Variants in SIGLEC12 observed in about 807,000 individuals in gnomAD.
The protein encoded by SIGLEC12 is sialic acid binding Ig like lectin 12, also known as sialic acid-binding Ig-like lectin 12.
In SIGLEC12, 43 loss-of-function variants were observed where a neutral mutation model predicts 54.1. The observed-to-expected ratio is 0.80, with a 90% CI of 0.62 to 1.03. SIGLEC12 has a LOEUF of 1.03. Among genes scored for constraint, SIGLEC12 ranks in the 50% least tolerant of loss-of-function variants. SIGLEC12 has a pLI of 0.00. For missense variants in SIGLEC12, 802 were observed against 735.2 expected, an observed-to-expected ratio of 1.09 and a Z score of -1.05; for synonymous variants, 357 against 307.6, an observed-to-expected ratio of 1.16 and a Z score of -1.68.
At chr19:51,497,033 G>A in intron 6 of SIGLEC12, 57 bp from the exon 7 acceptor site, 3 of 1,611,538 alleles carry the variant, frequency 1.9e-6, no homozygotes, top group Non-Finnish European at 2.5e-6. Flanking sequence ...GCAGTGGGCA[G>A]ACCAACCCCT....
rs1335752827 is a variant in SIGLEC12 at position 51,500,213 on chromosome 19, C to T, written c.515G>A (p.Ser172Asn). The T allele has an allele frequency of 8.7e-6, 14 of 1,614,166 alleles. No homozygotes were observed. The South Asian group carries it at 1.2e-4, about 14-fold the overall frequency. ...CCAGTTGTAATGGGGGTAAAGGACA[C>T]TGCAGGGCACAGAGACACACAGACC... is the stretch of plus-strand genomic sequence containing the variant. ...QEGLCVSVPC[S>N]VLYPHYNWTA... Residue 172 changes from serine to asparagine, a missense_variant, in exon 2 of 8, where the codon AGT (serine) becomes AAT (asparagine). Transcript: ENST00000291707.
chr19:51,496,025 A>G (rs969178352), intron 7 of SIGLEC12, among the ~76,000 whole-genome samples: 1 of 152,218 alleles, frequency 6.6e-6, no homozygotes, highest in East Asian at 1.9e-4. Flanking sequence ...CATGGAGCAG[A>G]GGCAGGAGTG....
chr19:51,495,993 C>T (rs1990231975), intron 7 of SIGLEC12, among the ~76,000 whole-genome samples: 1 of 152,182 alleles, frequency 6.6e-6, no homozygotes. Context: ...GGTGATGACA[C>T]TGGAGTCCAG....
At position 51,491,340 on chromosome 19, in the gene SIGLEC12, C is replaced by T. The variant is rs566404587; in HGVS notation, c.*301G>A. 5.2e-4 allele frequency: 168 copies of T among 321,898 alleles called. No homozygotes were observed. The highest frequency in any genetic ancestry group is 8.8e-4 in the Non-Finnish European group (153 of 173,618). The allele number at this position is 321,898 out of a possible 1,614,324, so 19.9% of individuals were successfully genotyped here. On this transcript the variant is annotated 3_prime_UTR_variant, in exon 8 of 8. Coordinates refer to ENST00000291707, the MANE Select transcript of SIGLEC12 (RefSeq NM_053003.4). ...AGAACATTATGTTGAGTGAAATAAGCCAGGTACAGAGAGACAAACACTCTA... is the reference window on the plus strand; with the variant it reads ...AGAACATTATGTTGAGTGAAATAAGTCAGGTACAGAGAGACAAACACTCTA...
intron 3 of SIGLEC12, 100 bp downstream of exon 3, chr19:51,499,338 G>T: frequency 6.4e-7 from 1 of 1,562,644 alleles, no homozygotes; most frequent in South Asian, 1.2e-5. Flanking sequence ...CCAACTCCCA[G>T]CCAAGATTCC....
rs771190480 is a variant in SIGLEC12, at chr19:51,501,498, T to C, written c.236A>G (p.Asn79Ser). Reference sequence around the variant, plus strand: ...CTCCTGCACTGCTCGAGCTGGGTTGTTTGTGGCCACTGGAATGTTCCGGCT... The same window carrying C: ...CTCCTGCACTGCTCGAGCTGGGTTGCTTGTGGCCACTGGAATGTTCCGGCT... ...HVSRNIPVAT[N>S]NPARAVQEET... Residue 79 changes from asparagine (N) to serine (S), a missense_variant, in exon 1 of 8, where the codon AAC becomes AGC. Coordinates refer to ENST00000291707, the MANE Select transcript of SIGLEC12 (RefSeq NM_053003.4). The C allele has an allele frequency of 3.1e-6, 5 of 1,612,566 alleles. No homozygotes were observed. The highest frequency in any genetic ancestry group is 3.4e-6 in the Non-Finnish European group (4 of 1,179,588).
intron 7 of SIGLEC12, among the ~76,000 whole-genome samples, chr19:51,496,661 G>A (rs564888504): frequency 6.6e-6 from 1 of 152,130 alleles, no homozygotes; most frequent in Non-Finnish European, 1.5e-5. Context: ...AGGCAGGGAG[G>A]TGAGGAGGTC....
intron 1 of SIGLEC12, among the ~76,000 whole-genome samples, chr19:51,500,616 C>T (rs1990370053): frequency 6.6e-6 from 1 of 152,122 alleles, no homozygotes; most frequent in Non-Finnish European, 1.5e-5. Flanking sequence ...GTCCCGCCTC[C>T]TACCTCCGGG....
chr19:51,491,420 G>C lies in SIGLEC12; in HGVS notation c.*221C>G. 3 of 545,440 alleles carry C rather than the reference G, an allele frequency of 5.5e-6. No individual in the cohort carries two copies. Among genetic ancestry groups the C allele is most frequent in the Non-Finnish European group, 9.8e-6 (3 of 305,930 alleles). The allele number at this position is 545,440 out of a possible 1,614,324, so 33.8% of individuals were successfully genotyped here. A position where few individuals can be genotyped will look rare whatever the true frequency, so the allele number is the denominator to read the frequency against. On this transcript the variant is annotated 3_prime_UTR_variant, in exon 8 of 8. Coordinates refer to ENST00000291707, the MANE Select transcript of SIGLEC12 (RefSeq NM_053003.4). Reference sequence around the variant, plus strand: ...GTCGACCTCAGAGAAGTAGAGAAGAGAATGGTGGGTACCAGAGGCCGGGGG... The same window carrying C: ...GTCGACCTCAGAGAAGTAGAGAAGACAATGGTGGGTACCAGAGGCCGGGGG...
Position 51,499,716 on chromosome 19 carries a change from G to A in SIGLEC12, c.809C>T (p.Ala270Val). 6.2e-7 allele frequency: 1 copy of A among 1,613,764 alleles called. No homozygotes were observed. The highest frequency in any genetic ancestry group is 1.3e-5 in the African/African-American group (1 of 75,030). The change falls in exon 3 of 8, where the codon GCC becomes GTC. Residue 270 changes from alanine to valine, a missense_variant and splice_region_variant. Transcript: ENST00000291707. ...GGAGAAGGTGGGCATGTGAGTCAGG[G>A]CTGGTGATGAAAGGGAGACAGGCAA... ...IYDKLSVHVT[A>V]LTHMPTFSIP...
chr19:51,497,198 G>A (rs557559059), intron 6 of SIGLEC12, 151 bp downstream of exon 6: 23 of 871,880 alleles, frequency 2.6e-5, no homozygotes, highest in South Asian at 2.0e-4. Context: ...AAACAGGGGC[G>A]CTCATGAAAT....
rs368715137 is a variant in SIGLEC12 at position 51,501,540 on chromosome 19, C to CT, written c.193_194insA (p.Arg65GlnfsTer51). ...GTTCCGGCTTACATGGTCCCCTGCCCGGAACCAGTAGCCATGAACTGGATC... is the reference window on the plus strand; with the variant it reads ...GTTCCGGCTTACATGGTCCCCTGCCCTGGAACCAGTAGCCATGAACTGGATC... On this transcript the variant is annotated frameshift_variant, in exon 1 of 8. Coordinates refer to ENST00000291707, the MANE Select transcript of SIGLEC12 (RefSeq NM_053003.4). LOFTEE classifies it high-confidence loss of function. 1 of 1,613,522 alleles carries CT rather than the reference C, an allele frequency of 6.2e-7. No homozygotes were observed. The highest frequency in any genetic ancestry group is 8.5e-7 in the Non-Finnish European group (1 of 1,179,800).
At chr19:51,497,634 T>G (rs1412704084) in intron 5 of SIGLEC12, among the ~76,000 whole-genome samples, 189 bp from the exon 6 acceptor site, 2 of 152,238 alleles carry the variant, frequency 1.3e-5, no homozygotes, top group African/African-American at 4.8e-5. Flanking sequence ...TGCCTTTATT[T>G]AAAATTTTGA....
In SIGLEC12 at chr19:51,496,963, T is replaced by C. The variant is rs751618677; in HGVS notation, c.1516A>G (p.Arg506Gly). 2 of 1,613,360 alleles carry C rather than the reference T, an allele frequency of 1.2e-6. No individual in the cohort carries two copies. Among genetic ancestry groups the C allele is most frequent in the Non-Finnish European group, 1.7e-6 (2 of 1,179,994 alleles). Residue 506 changes from arginine (R) to glycine (G), a missense_variant, in exon 7 of 8, where the codon AGG becomes GGG. Transcript: ENST00000291707. ...ACTGCTGGCCTTGCCGATTTCTTCC[T>C]GCAGGACCTCACTCTGAGTGAAGAG... ...CIIFVVVRSC[R>G]KKSARPAVGV... is the part of the protein sequence containing the mutation.
At position 51,491,611 on chromosome 19, in the gene SIGLEC12, C is replaced by A; in HGVS notation, c.*30G>T. ...CTTCTTTGCTGCAGGGGTCGTGAGC[C>A]CTCAAACAGGCCTGAGTCTCTGCAG... On this transcript the variant is annotated 3_prime_UTR_variant, in exon 8 of 8. Transcript: ENST00000291707. The A allele has an allele frequency of 3.1e-6, 5 of 1,611,066 alleles. No homozygotes were observed. Among genetic ancestry groups the A allele is most frequent in the Non-Finnish European group, 4.2e-6 (5 of 1,177,770 alleles).
Position 51,495,353 on chromosome 19 carries a change from ACAGACGGGTGGG to A in SIGLEC12, c.1599+1515_1599+1526del, listed in dbSNP as rs1490873450. Among the ~76,000 whole-genome samples, 8 of 56,208 alleles carry A rather than the reference ACAGACGGGTGGG, an allele frequency of 1.4e-4. 1 individual carries two copies. The highest frequency in any genetic ancestry group is 1.1e-3 in the East Asian group (2 of 1,838). 36.9% of individuals were successfully genotyped at this position (56,208 alleles called of 152,430 possible). On this transcript the variant is annotated intron_variant, in intron 7 of 7. Transcript: ENST00000291707. ...GATGGATGGATGGATGGATGGATGG[ACAGACGGGTGGG>A]TGGATGGATGGATGGATGGATGGAT...
intron 3 of SIGLEC12, 76 bp downstream of exon 3, chr19:51,499,362 T>C (rs1440150792): frequency 1.3e-6 from 2 of 1,545,950 alleles, no homozygotes; most frequent in Non-Finnish European, 1.7e-6. Context: ...ACCCAGATCC[T>C]TGAGTCTGGG....
At chr19:51,495,230 T>TGGATGGAC (rs1306663556) in intron 7 of SIGLEC12, among the ~76,000 whole-genome samples, 2 of 142,286 alleles carry the variant, frequency 1.4e-5, no homozygotes, top group Admixed American at 7.0e-5. Flanking sequence ...GATGGATGGA[T>TGGATGGAC]GGATGGATGG....
Position 51,500,166 on chromosome 19 carries a change from C to T in SIGLEC12, c.562G>A (p.Gly188Arg). 1 of 1,614,142 alleles carries T rather than the reference C, an allele frequency of 6.2e-7. No homozygotes were observed. Among genetic ancestry groups the T allele is most frequent in the Non-Finnish European group, 8.5e-7 (1 of 1,180,022 alleles). The change falls in exon 2 of 8, where the codon GGA becomes AGA. Residue 188 changes from glycine to arginine, a missense_variant. Physicochemically the swap from Gly to Arg is moderately radical, Grantham distance 125. Transcript: ENST00000291707. ...YNWTASSPVY[G>R]SWFKEGADIP... ...TCGGCCCCTTCCTTGAACCAGGATC[C>T]ATAAACAGGGCTAGAGGCAGTCCAG...
Sources: gnomAD v4.1 joint callset for allele counts (sites outside exome capture counted in the v4.1 genomes callset) on GRCh38, gnomAD v4.1.1 for gene constraint, MANE v1.5 for transcripts, NCBI Gene and HGNC (gene_info 2026-07-23, HGNC 2026-07-21) for gene names.